The following CALCOCO2 variants were observed in gnomAD, a reference collection of about 807,000 sequenced individuals.
The protein encoded by CALCOCO2 is calcium-binding and coiled-coil domain-containing protein 2.
A neutral mutation model predicts 62.5 loss-of-function variants in CALCOCO2; 42 were observed. That is an observed-to-expected ratio of 0.67 (90% confidence interval 0.53 to 0.87). The LOEUF (loss-of-function observed/expected upper bound fraction) is 0.87, where lower values mean the gene tolerates loss of function less well. CALCOCO2 is among the 40% of genes least tolerant of loss of function. CALCOCO2 has a pLI of 0.00. For synonymous variants in CALCOCO2, 167 were observed against 173.0 expected (o/e 0.97, Z 0.27); for missense variants, 456 against 515.0 (o/e 0.89, Z 1.11).
chr17:48,849,782 G>T (rs2040102152), intron 5 of CALCOCO2, among the ~76,000 whole-genome samples: 1 of 151,994 alleles, frequency 6.6e-6, no homozygotes, highest in African/African-American at 2.4e-5. Flanking sequence ...GGGATTATAG[G>T]CATGAGCCAC....
intron 2 of CALCOCO2, among the ~76,000 whole-genome samples, chr17:48,847,256 G>A (rs2040065084): frequency 6.6e-6 from 1 of 152,046 alleles, no homozygotes; most frequent in African/African-American, 2.4e-5. Flanking sequence ...TAATGCAGTA[G>A]TATATCCAGG....
rs2040156032 is a variant in CALCOCO2 at position 48,852,973 on chromosome 17, G to C, written c.873G>C (p.Gln291His). ...AGCAGACAGTGGAGCAAATGAAGCA[G>C]AATGAAACTACTGCAATGAAGAAAC... ...KLEQTVEQMKQNETTAMKKQQ... is the reference protein window; with the variant it reads ...KLEQTVEQMKHNETTAMKKQQ... Residue 291 changes from glutamine to histidine, a missense_variant, in exon 9 of 13, where the codon CAG (glutamine) becomes CAC (histidine). Physicochemically the swap from Gln to His is conservative, Grantham distance 24. Coordinates refer to ENST00000258947, the MANE Select transcript of CALCOCO2 (RefSeq NM_005831.5). 3 of 1,613,728 alleles carry C rather than the reference G, an allele frequency of 1.9e-6. No individual in the cohort carries two copies. The highest frequency in any genetic ancestry group is 2.5e-6 in the Non-Finnish European group (3 of 1,179,656).
chr17:48,837,370 C>T (rs778320560), intron 1 of CALCOCO2, among the ~76,000 whole-genome samples: 3 of 152,012 alleles, frequency 2.0e-5, no homozygotes, highest in Non-Finnish European at 2.9e-5. Flanking sequence ...TTGAGCCGGG[C>T]ATGGTGGCTC....
chr17:48,856,644 CATT>C (rs780348010), intron 10 of CALCOCO2: 95 of 345,584 alleles, frequency 2.7e-4, no homozygotes, highest in East Asian at 5.5e-4. Flanking sequence ...GCTGTGCATT[CATT>C]CATTCATTCA....
intron 11 of CALCOCO2, among the ~76,000 whole-genome samples, chr17:48,861,501 G>A (rs1337371914): frequency 6.6e-6 from 1 of 151,824 alleles, no homozygotes; most frequent in Non-Finnish European, 1.5e-5. Context: ...GTGAGCCATC[G>A]TACCTGACTG....
chr17:48,853,958 G>A (rs1266328386), intron 9 of CALCOCO2, among the ~76,000 whole-genome samples: 1 of 152,060 alleles, frequency 6.6e-6, no homozygotes, highest in Admixed American at 6.5e-5. Context: ...TTTCTTGCCT[G>A]CTCTCTATAG....
At chr17:48,849,470 C>T (rs1378329151) in intron 5 of CALCOCO2, 93 bp downstream of exon 5, 3 of 1,076,850 alleles carry the variant, frequency 2.8e-6, no homozygotes, top group South Asian at 1.4e-5. Flanking sequence ...TGCCTGTGAT[C>T]TCACCTTCTT....
rs200836727 is a variant in CALCOCO2 at position 48,842,154 on chromosome 17, CTTTTTTTTT to C, written c.180+278_180+286del. The C allele has an allele frequency of 1.4e-3, 194 of 136,552 alleles. 1 individual carries two copies. Among genetic ancestry groups the C allele is most frequent in the South Asian group, 2.4e-3 (12 of 5,010 alleles). The allele number at this position is 136,552 out of a possible 1,614,324, so 8.5% of individuals were successfully genotyped here. ...GCTTTTTTTTTTGCTTTTTTCTTTT[CTTTTTTTTT>C]TTTTTTTTTTGAAATAGAGTCTTGC... On this transcript the variant is annotated intron_variant, in intron 2 of 12. Transcript: ENST00000258947.
intron 1 of CALCOCO2, among the ~76,000 whole-genome samples, chr17:48,838,158 G>T (rs147042706): frequency 5.9e-4 from 90 of 152,088 alleles, no homozygotes; most frequent in Admixed American, 5.0e-3. Flanking sequence ...ATGCGTGAGA[G>T]GGTCGTGATC....
At position 48,858,046 on chromosome 17, in the gene CALCOCO2, AAATAG is replaced by A. The variant is rs1555573798; in HGVS notation, c.1008+1883_1008+1887del. ...ATAGAATAGAATAGAATAGAATAGA[AAATAG>A]AATAGAATAGAATAGAATAGAATTT... On this transcript the variant is annotated intron_variant, in intron 10 of 12. Transcript: ENST00000258947. 2.5e-4 allele frequency among the ~76,000 whole-genome samples: 10 copies of A among 40,044 alleles called. 1 individual carries two copies. The highest frequency in any genetic ancestry group is 3.4e-4 in the Non-Finnish European group (7 of 20,520). The allele number at this position is 40,044 out of a possible 152,430, so 26.3% of individuals were successfully genotyped here. A position where few individuals can be genotyped will look rare whatever the true frequency, so the allele number is the denominator to read the frequency against.
chr17:48,841,942 CCTAA>C (rs1286901778), intron 2 of CALCOCO2, 55 bp downstream of exon 2: 3 of 1,279,048 alleles, frequency 2.3e-6, no homozygotes, highest in Admixed American at 4.2e-5. Flanking sequence ...TTCTTAGTTA[CCTAA>C]CTGTGTGACT....
chr17:48,850,831 T>TTGCG (rs1442783873), intron 5 of CALCOCO2, among the ~76,000 whole-genome samples: 3 of 151,660 alleles, frequency 2.0e-5, no homozygotes, highest in African/African-American at 7.3e-5. Context: ...GGCACAACAA[T>TTGCG]TGCGTGAACC....
chr17:48,851,825 TA>T (rs1001485490), intron 7 of CALCOCO2, 197 bp downstream of exon 7: 53,911 of 377,380 alleles, frequency 0.14, no homozygotes, highest in South Asian at 0.2. Context: ...CCCCTGCTTT[TA>T]AAAAAAAAAA....
rs926060868 is a variant in CALCOCO2 at position 48,831,042 on chromosome 17, C to G, written c.-47C>G. ...TAGCCCCGCCCCCGTCCCACTCTGC[C>G]CTGTTGCTGTCGCGCCGCTGCTGGT... On this transcript the variant is annotated 5_prime_UTR_variant, in exon 1 of 13. Transcript: ENST00000258947. 1.3e-5 allele frequency: 2 copies of G among 152,502 alleles called. No individual in the cohort carries two copies. Among genetic ancestry groups the G allele is most frequent in the South Asian group, 4.1e-4 (2 of 4,832 alleles). 9.4% of individuals were successfully genotyped at this position (152,502 alleles called of 1,614,324 possible). A position where few individuals can be genotyped will look rare whatever the true frequency, so the allele number is the denominator to read the frequency against.
chr17:48,837,623 G>A lies in CALCOCO2; in HGVS notation c.-10-4075G>A, dbSNP rs529022986. 2.8e-4 allele frequency among the ~76,000 whole-genome samples: 43 copies of A among 152,204 alleles called. No individual in the cohort carries two copies. In the South Asian group the frequency reaches 8.9e-3, roughly 32 times the overall value. On this transcript the variant is annotated intron_variant, in intron 1 of 12. Coordinates refer to ENST00000258947, the MANE Select transcript of CALCOCO2 (RefSeq NM_005831.5). ...ATACCGCCACTGCACTCCAGCCTGG[G>A]GAACAGAGCGAAACTCTGTCTAAAA...
At chr17:48,855,959 AT>A (rs2040209043) in intron 9 of CALCOCO2, 132 bp from the exon 10 acceptor site, 2 of 439,752 alleles carry the variant, frequency 4.5e-6, no homozygotes, top group Admixed American at 7.3e-5. Flanking sequence ...CCATAGTACC[AT>A]TTCTTCCTCC....
At chr17:48,860,588 A>G (rs1285274884) in intron 11 of CALCOCO2, 139 bp downstream of exon 11, 6 of 677,764 alleles carry the variant, frequency 8.9e-6, no homozygotes, top group African/African-American at 1.8e-5. Flanking sequence ...CCCAGTAGAA[A>G]GATTGCCAGG....
At chr17:48,857,497 CTTTTTTTTT>C (rs59318856) in intron 10 of CALCOCO2, among the ~76,000 whole-genome samples, 4 of 38,428 alleles carry the variant, frequency 1.0e-4, no homozygotes, top group African/African-American at 3.3e-4. Flanking sequence ...GCACCCGGCC[CTTTTTTTTT>C]TTTTTTTTTT....
rs2040371813 is a variant in CALCOCO2, at chr17:48,864,839, G to A, written c.*1834G>A. 1 of 152,208 alleles carries A rather than the reference G, an allele frequency of 6.6e-6. No individual in the cohort carries two copies. The highest frequency in any genetic ancestry group is 6.5e-5 in the Admixed American group (1 of 15,274). 9.4% of individuals were successfully genotyped at this position (152,208 alleles called of 1,614,324 possible). On this transcript the variant is annotated 3_prime_UTR_variant, in exon 13 of 13. Transcript: ENST00000258947. The stretch of plus-strand genomic sequence containing the variant: ...AACCCTAGAATAGAAATGTAATAGG[G>A]AGATGGTAATAAAGGAGTTTTTCTG...
Sources: gnomAD v4.1 joint callset for allele counts (sites outside exome capture counted in the v4.1 genomes callset) on GRCh38, gnomAD v4.1.1 for gene constraint, MANE v1.5 for transcripts, NCBI Gene and HGNC (gene_info 2026-07-23, HGNC 2026-07-21) for gene names.